Variants in PPFIA2 observed in about 807,000 individuals in gnomAD.
PPFIA2 encodes PPFI scaffold protein A2, also known as liprin-alpha-2.
A neutral mutation model predicts 175.5 loss-of-function variants in PPFIA2; 46 were observed. The observed-to-expected ratio is 0.26, with a 90% confidence interval of 0.21 to 0.34. The LOEUF is 0.34. Among genes scored for constraint, PPFIA2 ranks in the 10% least tolerant of loss-of-function variants. The pLI, the probability that PPFIA2 is intolerant of heterozygous loss-of-function variation, is 1.00. For synonymous variants in PPFIA2, 568 were observed against 511.4 expected (o/e 1.11, Z -1.49); for missense variants, 1,179 against 1,506.1 (o/e 0.78, Z 3.60).
At position 81,277,969 on chromosome 12, in the gene PPFIA2, A is replaced by G. The variant is rs146289310; in HGVS notation, c.3213-555T>C. Among the ~76,000 whole-genome samples, 231 of 152,338 alleles carry G rather than the reference A, an allele frequency of 1.5e-3. 1 individual carries two copies. The highest frequency in any genetic ancestry group is 5.2e-3 in the African/African-American group (215 of 41,574). The stretch of plus-strand genomic sequence containing the variant: ...AATGAAAAGGATATGTGGAATGAGC[A>G]GAAAATTGATTGATCCTTAAAGTAT... On this transcript the variant is annotated intron_variant, in intron 27 of 32. Transcript: ENST00000549396.
chr12:81,538,629 G>T (rs952057364), intron 4 of PPFIA2, among the ~76,000 whole-genome samples: 92 of 151,936 alleles, frequency 6.1e-4, no homozygotes, highest in Middle Eastern at 6.8e-3. Flanking sequence ...TGAACATGTG[G>T]ATATCAGGAG....
Position 81,404,391 on chromosome 12 carries a change from G to A in PPFIA2, c.762+1396C>T, listed in dbSNP as rs185480519. Among the ~76,000 whole-genome samples the A allele has an allele frequency of 5.4e-4, 82 of 152,218 alleles. 1 individual carries two copies. Among genetic ancestry groups the A allele is most frequent in the African/African-American group, 1.9e-3 (80 of 41,546 alleles). ...GTGATTCTATAATTCTCTGAGGAGA[G>A]GTATACTACTAATGACATAATTAAA... On this transcript the variant is annotated intron_variant, in intron 8 of 32. Transcript: ENST00000549396.
chr12:81,566,546 A>C lies in PPFIA2; in HGVS notation c.304-108680T>G, dbSNP rs1201290721. Among the ~76,000 whole-genome samples the C allele has an allele frequency of 1.3e-5, 2 of 151,418 alleles. 1 individual carries two copies. Among genetic ancestry groups the C allele is most frequent in the African/African-American group, 4.8e-5 (2 of 41,304 alleles). On this transcript the variant is annotated intron_variant, in intron 4 of 32. Transcript: ENST00000549396. The stretch of plus-strand genomic sequence containing the variant: ...ACTCCAACTCAAAAAAAAAAAAAAA[A>C]AAAAAAGAAAAGAAAAGAAAAAAAG...
chr12:81,552,930 G>T lies in PPFIA2; in HGVS notation c.304-95064C>A, dbSNP rs1167752828. ...ATGTAGCCTATTAAAAATCAAATGA[G>T]TAATTCACATTTTTTCCATATAATA... On this transcript the variant is annotated intron_variant, in intron 4 of 32. Coordinates refer to ENST00000549396, the MANE Select transcript of PPFIA2 (RefSeq NM_003625.5). Among the ~76,000 whole-genome samples, 9 of 151,958 alleles carry T rather than the reference G, an allele frequency of 5.9e-5. No homozygotes were observed. The Admixed American group carries it at 5.9e-4, about 10-fold the overall frequency.
intron 4 of PPFIA2, among the ~76,000 whole-genome samples, chr12:81,463,428 A>T (rs1366356249): frequency 6.6e-6 from 1 of 152,064 alleles, no homozygotes; most frequent in Non-Finnish European, 1.5e-5. Context: ...AACTTTTCAG[A>T]CTATTTTGTT....
intron 14 of PPFIA2, among the ~76,000 whole-genome samples, chr12:81,366,442 G>A (rs1460785362): frequency 6.6e-6 from 1 of 151,548 alleles, no homozygotes; most frequent in Non-Finnish European, 1.5e-5. Context: ...CACTATGTTT[G>A]AAAGCCTGGG....
rs1244294135 is a variant in PPFIA2 at position 81,374,893 on chromosome 12, G to A, written c.1132-125C>T. On this transcript the variant is annotated intron_variant, in intron 10 of 32. Transcript: ENST00000549396. ...AAATCAGCCACTACCACACCTAAAT[G>A]TGCAAAGTGTTGATTGTTGTCTTGT... 3 of 800,766 alleles carry A rather than the reference G, an allele frequency of 3.7e-6. No homozygotes were observed. In the East Asian group the frequency reaches 8.0e-5, roughly 21 times the overall value. The allele number at this position is 800,766 out of a possible 1,614,324, so 49.6% of individuals were successfully genotyped here. A position where few individuals can be genotyped will look rare whatever the true frequency, so the allele number is the denominator to read the frequency against.
At chr12:81,669,114 C>A (rs2070925845) in intron 4 of PPFIA2, among the ~76,000 whole-genome samples, 1 of 151,942 alleles carries the variant, frequency 6.6e-6, no homozygotes. Context: ...TTGATTTTCT[C>A]TACTGTTATT....
intron 22 of PPFIA2, among the ~76,000 whole-genome samples, chr12:81,311,530 G>A (rs1215443016): frequency 6.6e-6 from 1 of 151,830 alleles, no homozygotes; most frequent in East Asian, 1.9e-4. Flanking sequence ...TCAGGAGATC[G>A]AGACCATCCT....
At chr12:81,318,888 C>T (rs1023836792) in intron 22 of PPFIA2, among the ~76,000 whole-genome samples, 7 of 151,488 alleles carry the variant, frequency 4.6e-5, no homozygotes, top group Non-Finnish European at 8.9e-5. Flanking sequence ...CTACCTAATT[C>T]AAATATCAGT....
intron 3 of PPFIA2, among the ~76,000 whole-genome samples, chr12:81,683,284 T>G (rs1369341972): frequency 6.6e-6 from 1 of 151,972 alleles, no homozygotes; most frequent in Non-Finnish European, 1.5e-5. Context: ...CTCATTACCT[T>G]CATTCCTGTC....
chr12:81,758,516 G>C lies in PPFIA2; in HGVS notation c.-110-9C>G, dbSNP rs577681931. 6.7e-6 allele frequency: 3 copies of C among 446,100 alleles called. No homozygotes were observed. Among genetic ancestry groups the C allele is most frequent in the East Asian group, 7.1e-5 (1 of 14,040 alleles). The allele number at this position is 446,100 out of a possible 1,614,324, so 27.6% of individuals were successfully genotyped here. A position where few individuals can be genotyped will look rare whatever the true frequency, so the allele number is the denominator to read the frequency against. ...ACTCCTGGACCATTTCCCTAGCAAC[G>C]GGAGGAGAAAGGCAGCTCAGACACA... On this transcript the variant is annotated splice_polypyrimidine_tract_variant and intron_variant, in intron 1 of 32. Transcript: ENST00000549396.
chr12:81,513,618 T>C (rs1278763551), intron 4 of PPFIA2, among the ~76,000 whole-genome samples: 3 of 152,026 alleles, frequency 2.0e-5, no homozygotes, highest in African/African-American at 4.8e-5. Context: ...TCCTCTAATG[T>C]TGACATCTTA....
chr12:81,429,553 A>G (rs2047733989), intron 7 of PPFIA2, among the ~76,000 whole-genome samples: 1 of 152,062 alleles, frequency 6.6e-6, no homozygotes, highest in South Asian at 2.1e-4. Context: ...GTTTTTCTGC[A>G]TAATTATCAG....
At chr12:81,619,691 T>G (rs1052642775) in intron 4 of PPFIA2, among the ~76,000 whole-genome samples, 14 of 152,152 alleles carry the variant, frequency 9.2e-5, no homozygotes, top group African/African-American at 3.1e-4. Context: ...TTCTGGAAAT[T>G]TTAGAGTTTC....
At chr12:81,293,390 C>G (rs916428616) in intron 24 of PPFIA2, among the ~76,000 whole-genome samples, 5 of 151,772 alleles carry the variant, frequency 3.3e-5, no homozygotes, top group African/African-American at 9.7e-5. Context: ...AACTGAAAAA[C>G]AAACAGACTT....
chr12:81,535,393 C>A (rs1029448259), intron 4 of PPFIA2: 2 of 455,290 alleles, frequency 4.4e-6, no homozygotes, highest in East Asian at 1.4e-4. Context: ...GATTTCAGAA[C>A]AACACTTGAA....
chr12:81,566,909 C>A lies in PPFIA2; in HGVS notation c.304-109043G>T, dbSNP rs545120910. Among the ~76,000 whole-genome samples, 3 of 152,292 alleles carry A rather than the reference C, an allele frequency of 2.0e-5. No individual in the cohort carries two copies. In the East Asian group the frequency reaches 5.8e-4, roughly 29 times the overall value. Reference sequence around the variant, plus strand: ...GTACTCAACTGTACATACGTGTGTACTGTAAGAAATGTTTTATGGTATAAG... The same window carrying A: ...GTACTCAACTGTACATACGTGTGTAATGTAAGAAATGTTTTATGGTATAAG... On this transcript the variant is annotated intron_variant, in intron 4 of 32. Transcript: ENST00000549396.
At chr12:81,714,702 A>T (rs1025145021) in intron 3 of PPFIA2, among the ~76,000 whole-genome samples, 1 of 151,074 alleles carries the variant, frequency 6.6e-6, no homozygotes, top group African/African-American at 2.4e-5. Context: ...AGAGGGTCTG[A>T]GTATCCTTCA....
Sources: gnomAD v4.1 joint callset for allele counts (sites outside exome capture counted in the v4.1 genomes callset) on GRCh38, gnomAD v4.1.1 for gene constraint, MANE v1.5 for transcripts, NCBI Gene and HGNC (gene_info 2026-07-23, HGNC 2026-07-21) for gene names.